Variants in NHS observed in about 807,000 individuals in gnomAD.
NHS encodes the protein NHS actin remodeling regulator.
NHS carries 5 observed loss-of-function variants against 72.5 expected under a neutral mutation model. That is an observed-to-expected ratio of 0.07 (90% CI 0.04 to 0.14). NHS has a LOEUF of 0.14. NHS is among the 10% of genes least tolerant of loss of function. The pLI, the probability that NHS is intolerant of heterozygous loss-of-function variation, is 1.00. For synonymous variants in NHS, 464 were observed against 547.7 expected, an observed-to-expected ratio of 0.85 and a Z score of 2.13; for missense variants, 1,072 against 1,355.7, an observed-to-expected ratio of 0.79 and a Z score of 3.29.
Position 17,726,112 on chromosome X carries a change from T to G in NHS, c.2006T>G (p.Leu669Arg), listed in dbSNP as rs2066441384. 8.3e-7 allele frequency: 1 copy of G among 1,210,282 alleles called. No homozygotes were observed. Among genetic ancestry groups the G allele is most frequent in the Admixed American group, 2.2e-5 (1 of 45,832 alleles). Residue 669 changes from leucine (L) to arginine (R), a missense_variant, in exon 7 of 9, where the codon CTA becomes CGA. Leu to Arg is a moderately radical substitution (Grantham distance 102). Coordinates refer to ENST00000676302, the MANE Select transcript of NHS (RefSeq NM_001291867.2). ...TCACACTGTGACTCGGAGTTGTCAC[T>G]AAACACAGCCCCTCATGCCAATGAG... ...GSSHCDSELS[L>R]NTAPHANEDA...
chrX:17,531,226 C>G (rs2065196906), intron 1 of NHS, among the ~76,000 whole-genome samples: 2 of 106,654 alleles, frequency 1.9e-5, no homozygotes, highest in South Asian at 9.0e-4. Context: ...CAAACCCACA[C>G]TTTCCTTTCC....
intron 1 of NHS, among the ~76,000 whole-genome samples, chrX:17,657,083 C>A (rs2065960337): frequency 8.9e-6 from 1 of 112,873 alleles, no homozygotes; most frequent in African/African-American, 3.2e-5. Flanking sequence ...CCCCACCTCT[C>A]TGGCGCACCT....
At chrX:17,604,031 A>G (rs2065666162) in intron 1 of NHS, among the ~76,000 whole-genome samples, 2 of 111,373 alleles carry the variant, frequency 1.8e-5, no homozygotes, top group Non-Finnish European at 3.8e-5. Flanking sequence ...ATAATAAAAT[A>G]TTATTAATAT....
At chrX:17,707,726 C>A (rs1313085968) in intron 3 of NHS, among the ~76,000 whole-genome samples, 1 of 111,732 alleles carries the variant, frequency 8.9e-6, no homozygotes, top group Admixed American at 9.5e-5. Flanking sequence ...CTAGAGCTGG[C>A]AGGAAGGGTG....
intron 1 of NHS, among the ~76,000 whole-genome samples, chrX:17,436,123 AGT>A (rs1209545636): frequency 1.8e-5 from 2 of 112,081 alleles, no homozygotes; most frequent in Non-Finnish European, 3.8e-5. Flanking sequence ...AGTTGGAAAA[AGT>A]GTGTGTTTTT....
At chrX:17,499,765 G>C (rs1012867087) in intron 1 of NHS, among the ~76,000 whole-genome samples, 1 of 111,781 alleles carries the variant, frequency 8.9e-6, no homozygotes, top group African/African-American at 3.3e-5. Context: ...GGCTCTCATC[G>C]GCCAAGGAGA....
At position 17,727,370 on chromosome X, in the gene NHS, T is replaced by C. The variant is rs751232794; in HGVS notation, c.3264T>C (p.His1088=). The change falls in exon 7 of 9, where the codon CAT becomes CAC. Residue 1088 remains histidine, a synonymous_variant. Transcript: ENST00000676302. ...DLELPIIPPT[H]LDLSALHNVL... ...AACTTCCAATTATACCTCCTACCCA[T>C]CTTGATCTAAGTGCTCTTCATAATG... The C allele has an allele frequency of 8.3e-7, 1 of 1,210,332 alleles. No homozygotes were observed. Among genetic ancestry groups the C allele is most frequent in the Non-Finnish European group, 1.1e-6 (1 of 894,141 alleles).
chrX:17,451,225 G>C (rs1013341063), intron 1 of NHS, among the ~76,000 whole-genome samples: 3 of 111,641 alleles, frequency 2.7e-5, no homozygotes, highest in Non-Finnish European at 5.6e-5. Context: ...TTACATGTGC[G>C]ACTCATATTG....
At chrX:17,489,617 A>G (rs755230004) in intron 1 of NHS, among the ~76,000 whole-genome samples, 1 of 111,888 alleles carries the variant, frequency 8.9e-6, no homozygotes, top group East Asian at 2.8e-4. Flanking sequence ...CCTCCCCAGC[A>G]GCTGGGACTA....
At chrX:17,534,329 G>A (rs952352999) in intron 1 of NHS, among the ~76,000 whole-genome samples, 1 of 111,578 alleles carries the variant, frequency 9.0e-6, no homozygotes, top group African/African-American at 3.3e-5. Flanking sequence ...TGTGGTTAGC[G>A]ATGCCTGGGA....
intron 1 of NHS, among the ~76,000 whole-genome samples, chrX:17,577,201 G>A (rs4825352): frequency 0.45 from 49,476 of 110,761 alleles, 8,887 homozygotes; most frequent in East Asian, 0.76. Context: ...TCTTAATGAA[G>A]TAGATTATAC....
intron 1 of NHS, among the ~76,000 whole-genome samples, chrX:17,440,287 G>GAAAAAAAA (rs2064745816): frequency 2.1e-5 from 2 of 94,774 alleles, no homozygotes; most frequent in Non-Finnish European, 2.1e-5. Flanking sequence ...AAAAAAAAAG[G>GAAAAAAAA]AAACCAGTTT....
intron 1 of NHS, among the ~76,000 whole-genome samples, chrX:17,538,619 G>C (rs1160969476): frequency 9.0e-6 from 1 of 111,516 alleles, no homozygotes; most frequent in Non-Finnish European, 1.9e-5. Context: ...AAGCCCTCAG[G>C]GAGAGGGTCA....
intron 1 of NHS, among the ~76,000 whole-genome samples, chrX:17,554,424 T>G (rs1473444741): frequency 8.9e-6 from 1 of 112,044 alleles, no homozygotes; most frequent in African/African-American, 3.3e-5. Context: ...ACACGGGTCA[T>G]GAGGATGGTC....
intron 1 of NHS, among the ~76,000 whole-genome samples, chrX:17,592,537 C>T (rs778022697): frequency 8.9e-6 from 1 of 112,124 alleles, no homozygotes; most frequent in South Asian, 3.7e-4. Context: ...ATTTTAACAT[C>T]GTCTCAACAA....
intron 3 of NHS, among the ~76,000 whole-genome samples, chrX:17,713,828 A>G (rs1035451327): frequency 3.6e-5 from 4 of 112,192 alleles, no homozygotes; most frequent in Non-Finnish European, 7.5e-5. Flanking sequence ...TTCCTTCATT[A>G]TATACCAAAG....
intron 1 of NHS, among the ~76,000 whole-genome samples, chrX:17,534,600 A>G (rs1230844376): frequency 8.9e-6 from 1 of 111,786 alleles, no homozygotes; most frequent in Non-Finnish European, 1.9e-5. Flanking sequence ...CTATGGCTTC[A>G]TGAGAGACCC....
At chrX:17,399,518 A>G (rs1215109269) in intron 1 of NHS, among the ~76,000 whole-genome samples, 5 of 111,794 alleles carry the variant, frequency 4.5e-5, no homozygotes, top group African/African-American at 1.3e-4. Context: ...TCTTTCCATC[A>G]ACAACTCTTC....
rs775951348 is a variant in NHS, at chrX:17,636,752, T to A, written c.566-50990T>A. On this transcript the variant is annotated intron_variant, in intron 1 of 8. Coordinates refer to ENST00000676302, the MANE Select transcript of NHS (RefSeq NM_001291867.2). ...CCAGGCCATGATGATGGGGAAGCAC[T>A]GTTGTGTGCAGCTTTGTTACTTAAG... 2.5e-4 allele frequency among the ~76,000 whole-genome samples: 28 copies of A among 112,031 alleles called. 1 individual carries two copies. The highest frequency in any genetic ancestry group is 4.7e-4 in the Non-Finnish European group (25 of 53,237).
Sources: gnomAD v4.1 joint callset for allele counts (sites outside exome capture counted in the v4.1 genomes callset) on GRCh38, gnomAD v4.1.1 for gene constraint, MANE v1.5 for transcripts, NCBI Gene and HGNC (gene_info 2026-07-23, HGNC 2026-07-21) for gene names.